The following CASR variants were observed in gnomAD, a reference collection of about 807,000 sequenced individuals.
CASR encodes the protein calcium sensing receptor, also known as extracellular calcium-sensing receptor.
Under a neutral mutation model 69.1 loss-of-function variants are expected in CASR, and 23 were observed. That is an observed-to-expected ratio of 0.33 (90% CI 0.24 to 0.47). The LOEUF is 0.47. Ranked by LOEUF, CASR falls within the 20% of genes least tolerant of loss-of-function variation. The pLI is 1.00. For missense variants in CASR, 924 were observed against 1,356.1 expected, an observed-to-expected ratio of 0.68 and a Z score of 5.00; for synonymous variants, 541 against 544.7, an observed-to-expected ratio of 0.99 and a Z score of 0.10.
At chr3:122,247,549 A>G (rs889528174) in intron 1 of CASR, 2 of 152,248 alleles carry the variant, frequency 1.3e-5, no homozygotes, top group Admixed American at 1.3e-4. Context: ...TTAAGGCATA[A>G]AGGAAACAGT....
chr3:122,212,383 G>A (rs918173734), intron 1 of CASR, among the ~76,000 whole-genome samples: 1 of 152,038 alleles, frequency 6.6e-6, no homozygotes, highest in African/African-American at 2.4e-5. Context: ...ACAGGGAGAG[G>A]AATAACACAC....
At chr3:122,232,879 A>C (rs542448688) in intron 1 of CASR, among the ~76,000 whole-genome samples, 1 of 152,270 alleles carries the variant, frequency 6.6e-6, no homozygotes, top group South Asian at 2.1e-4. Context: ...TTCTCCTGTT[A>C]AACATAAACA....
chr3:122,231,395 T>G (rs1270229190), intron 1 of CASR, among the ~76,000 whole-genome samples: 1 of 152,236 alleles, frequency 6.6e-6, no homozygotes, highest in Non-Finnish European at 1.5e-5. Context: ...AGGGGGACAC[T>G]ATCACCATCA....
At chr3:122,195,544 G>GA (rs2073881546) in intron 1 of CASR, among the ~76,000 whole-genome samples, 2 of 152,134 alleles carry the variant, frequency 1.3e-5, no homozygotes, top group African/African-American at 4.8e-5. Flanking sequence ...AACACTAGGG[G>GA]AAAAAATTAT....
chr3:122,228,049 G>T (rs867713703), intron 1 of CASR, among the ~76,000 whole-genome samples: 3 of 152,170 alleles, frequency 2.0e-5, no homozygotes, highest in African/African-American at 7.2e-5. Flanking sequence ...GAGCAGATTC[G>T]AATGGTCCAG....
At chr3:122,259,789 C>G (rs1050726982) in intron 3 of CASR, among the ~76,000 whole-genome samples, 2 of 151,962 alleles carry the variant, frequency 1.3e-5, no homozygotes, top group African/African-American at 4.8e-5. Context: ...GCCACCACGC[C>G]CGGCTAATTT....
intron 1 of CASR, among the ~76,000 whole-genome samples, chr3:122,227,639 C>A (rs1487168755): frequency 6.6e-6 from 1 of 152,180 alleles, no homozygotes; most frequent in East Asian, 1.9e-4. Flanking sequence ...GCAGCAGTGA[C>A]CTGAAGGGCT....
In CASR at chr3:122,262,493, C is replaced by A; in HGVS notation, c.1377+81C>A. ...AACTCCAGGCAAGAAAAATAGTGGT[C>A]ATTTGAAAAGGGCAATATTTAAATG... On this transcript the variant is annotated intron_variant, in intron 4 of 6. Coordinates refer to ENST00000639785, the MANE Select transcript of CASR (RefSeq NM_000388.4). 4 of 1,278,092 alleles carry A rather than the reference C, an allele frequency of 3.1e-6. No homozygotes were observed. In the South Asian group the frequency reaches 4.8e-5, roughly 15 times the overall value. 79.2% of individuals were successfully genotyped at this position (1,278,092 alleles called of 1,614,324 possible).
rs1353475471 is a variant in CASR, at chr3:122,267,509, G to T, written c.1377+5097G>T. 5.3e-5 allele frequency among the ~76,000 whole-genome samples: 8 copies of T among 152,250 alleles called. No individual in the cohort carries two copies. The South Asian group carries it at 1.7e-3, about 32-fold the overall frequency. On this transcript the variant is annotated intron_variant, in intron 4 of 6. Coordinates refer to ENST00000639785, the MANE Select transcript of CASR (RefSeq NM_000388.4). Reference sequence around the variant, plus strand: ...AGAAGGATCTACTCCTTGGAGGAAAGGTCACAAAATGTCCTGCTAAGCAAA... The same window carrying T: ...AGAAGGATCTACTCCTTGGAGGAAATGTCACAAAATGTCCTGCTAAGCAAA...
chr3:122,244,882 A>C (rs993222073), intron 1 of CASR, among the ~76,000 whole-genome samples: 4 of 152,232 alleles, frequency 2.6e-5, no homozygotes, highest in African/African-American at 9.6e-5. Context: ...AAGGATATAC[A>C]GTATGAATAG....
intron 1 of CASR, chr3:122,184,375 C>G (rs2073753973): frequency 6.5e-6 from 1 of 152,798 alleles, no homozygotes; most frequent in Non-Finnish European, 1.5e-5. Flanking sequence ...GCCGGGAGCG[C>G]AGCGAGCCAG....
At chr3:122,201,753 G>C (rs1233504566) in intron 1 of CASR, among the ~76,000 whole-genome samples, 4 of 152,150 alleles carry the variant, frequency 2.6e-5, no homozygotes, top group African/African-American at 4.8e-5. Flanking sequence ...GTGGCTGCCG[G>C]GCGGAGGGTC....
chr3:122,225,715 A>G (rs561126554), intron 1 of CASR, among the ~76,000 whole-genome samples: 1 of 152,226 alleles, frequency 6.6e-6, no homozygotes, highest in Non-Finnish European at 1.5e-5. Flanking sequence ...CAGCAATCCC[A>G]CTACTGGGTA....
At chr3:122,222,240 A>C (rs1201772095) in intron 1 of CASR, among the ~76,000 whole-genome samples, 1 of 152,176 alleles carries the variant, frequency 6.6e-6, no homozygotes, top group African/African-American at 2.4e-5. Flanking sequence ...TGGTCTTCTC[A>C]TCTGCTAAAT....
At chr3:122,240,704 G>A (rs111516273) in intron 1 of CASR, among the ~76,000 whole-genome samples, 58 of 152,214 alleles carry the variant, frequency 3.8e-4, no homozygotes, top group Non-Finnish European at 6.8e-4. Flanking sequence ...TTTACAGAAC[G>A]TTTCATCTAA....
intron 1 of CASR, among the ~76,000 whole-genome samples, chr3:122,239,027 C>T (rs2074356014): frequency 6.6e-6 from 1 of 152,118 alleles, no homozygotes; most frequent in Non-Finnish European, 1.5e-5. Flanking sequence ...CAAAAGATTC[C>T]TTCTGCTTGA....
At chr3:122,194,703 C>A (rs1455156063) in intron 1 of CASR, among the ~76,000 whole-genome samples, 2 of 152,182 alleles carry the variant, frequency 1.3e-5, no homozygotes, top group East Asian at 3.9e-4. Flanking sequence ...TAACCCTTGG[C>A]CCTCTTGAGG....
chr3:122,236,737 A>G (rs527705507), intron 1 of CASR, among the ~76,000 whole-genome samples: 92 of 152,348 alleles, frequency 6.0e-4, no homozygotes, highest in African/African-American at 2.1e-3. Flanking sequence ...GCCCCAAATC[A>G]TGGTACCAAT....
chr3:122,211,922 G>A lies in CASR; in HGVS notation c.-243+28110G>A, dbSNP rs536911273. ...AAGTAAAGAAACAACAGATGCTGAT[G>A]AGGCTGTGGAGAAATAGGAATGCTT... On this transcript the variant is annotated intron_variant, in intron 1 of 6. Transcript: ENST00000639785. Among the ~76,000 whole-genome samples, 31 of 152,296 alleles carry A rather than the reference G, an allele frequency of 2.0e-4. No individual in the cohort carries two copies. The South Asian group carries it at 6.4e-3, about 32-fold the overall frequency.
Sources: allele counts gnomAD v4.1 joint callset (sites outside exome capture counted in the v4.1 genomes callset), GRCh38; gene constraint gnomAD v4.1.1; transcripts MANE v1.5; gene names NCBI Gene and HGNC (gene_info 2026-07-23, HGNC 2026-07-21).